The following M1AP variants were observed in gnomAD, a reference collection of about 807,000 sequenced individuals.
M1AP encodes the protein meiosis 1 arrest protein.
Under a neutral mutation model 51.2 loss-of-function variants are expected in M1AP, and 39 were observed. The observed-to-expected ratio is 0.76, with a 90% confidence interval of 0.59 to 1.00. The LOEUF is 1.00. M1AP is among the 50% of genes least tolerant of loss of function. The probability of loss-of-function intolerance (pLI) is 0.00; values close to 1 mark genes in which losing one functional copy is unlikely to be tolerated. For synonymous variants in M1AP, 251 were observed against 249.2 expected, an observed-to-expected ratio of 1.01 and a Z score of -0.07; for missense variants, 545 against 641.2, an observed-to-expected ratio of 0.85 and a Z score of 1.62.
rs1209054993 is a variant in M1AP at position 74,558,436 on chromosome 2, A to G, written c.*280T>C. 7.7e-6 allele frequency: 3 copies of G among 390,536 alleles called. No individual in the cohort carries two copies. Among genetic ancestry groups the G allele is most frequent in the Non-Finnish European group, 9.1e-6 (2 of 219,340 alleles). 24.2% of individuals were successfully genotyped at this position (390,536 alleles called of 1,614,324 possible). A position where few individuals can be genotyped will look rare whatever the true frequency, so the allele number is the denominator to read the frequency against. ...TTATGAATGCTCCTAACAATGGTAG[A>G]AGCTTACTGGGTGTTTAATCTTCAC... is the stretch of plus-strand genomic sequence containing the variant. On this transcript the variant is annotated 3_prime_UTR_variant, in exon 11 of 11. Coordinates refer to ENST00000421985, the MANE Select transcript of M1AP (RefSeq NM_001321739.2).
intron 7 of M1AP, 91 bp from the exon 8 acceptor site, chr2:74,562,514 G>A: frequency 1.4e-6 from 2 of 1,432,796 alleles, no homozygotes; most frequent in Non-Finnish European, 1.9e-6. Context: ...CTGACTTCCA[G>A]GGGTGCTGAG....
chr2:74,645,017 G>A (rs529857533), intron 1 of M1AP, among the ~76,000 whole-genome samples: 1 of 151,974 alleles, frequency 6.6e-6, no homozygotes, highest in Admixed American at 6.6e-5. Flanking sequence ...TTGTTCTTTC[G>A]CTCTTTGCAA....
chr2:74,581,956 C>T, intron 4 of M1AP, 109 bp from the exon 5 acceptor site: 1 of 965,138 alleles, frequency 1.0e-6, no homozygotes, highest in East Asian at 2.6e-5. Flanking sequence ...CTCATTATGT[C>T]ACCCAGGCTA....
At chr2:74,582,999 C>T (rs1190855193) in intron 4 of M1AP, among the ~76,000 whole-genome samples, 1 of 151,682 alleles carries the variant, frequency 6.6e-6, no homozygotes, top group African/African-American at 2.4e-5. Flanking sequence ...CCAGCCTGGG[C>T]AACTCCATCT....
intron 2 of M1AP, among the ~76,000 whole-genome samples, chr2:74,639,789 C>A (rs530920211): frequency 6.6e-6 from 1 of 152,322 alleles, no homozygotes; most frequent in African/African-American, 2.4e-5. Context: ...TTCTCTCCCT[C>A]TCTCTGGAGT....
intron 2 of M1AP, among the ~76,000 whole-genome samples, chr2:74,625,831 G>A (rs1338697470): frequency 6.6e-6 from 1 of 152,222 alleles, no homozygotes; most frequent in East Asian, 1.9e-4. Flanking sequence ...CCTCCTGCCT[G>A]TACTAATGCC....
intron 1 of M1AP, among the ~76,000 whole-genome samples, chr2:74,645,374 C>G (rs1367817430): frequency 6.6e-6 from 1 of 152,200 alleles, no homozygotes; most frequent in Non-Finnish European, 1.5e-5. Context: ...CCCACCAATT[C>G]TGGACACAGT....
Position 74,640,222 on chromosome 2 carries a change from G to A in M1AP, c.54C>T (p.Asp18=). 1 of 1,614,104 alleles carries A rather than the reference G, an allele frequency of 6.2e-7. No individual in the cohort carries two copies. Among genetic ancestry groups the A allele is most frequent in the Non-Finnish European group, 8.5e-7 (1 of 1,180,018 alleles). The part of the protein sequence containing the change: ...GKGPSTHTQI[D]QQPPRLLIVH... ...CAATGAGAAGCCGTGGAGGTTGCTG[G>A]TCAATCTGAGTGTGAGTAGAGGGCC... Residue 18 remains aspartate, a synonymous_variant, in exon 2 of 11, where the codon GAC becomes GAT. Coordinates refer to ENST00000421985, the MANE Select transcript of M1AP (RefSeq NM_001321739.2).
chr2:74,644,399 G>A (rs957674206), intron 1 of M1AP, among the ~76,000 whole-genome samples: 4 of 152,196 alleles, frequency 2.6e-5, no homozygotes, highest in South Asian at 2.1e-4. Flanking sequence ...TTAGCCGGGC[G>A]TGGTAGCACG....
At chr2:74,588,174 C>A (rs1418561311) in intron 4 of M1AP, among the ~76,000 whole-genome samples, 1 of 152,192 alleles carries the variant, frequency 6.6e-6, no homozygotes, top group African/African-American at 2.4e-5. Context: ...GAGGCCTGTA[C>A]TTGGGTGTCA....
chr2:74,610,796 A>G (rs1254508058), intron 3 of M1AP, among the ~76,000 whole-genome samples: 2 of 152,152 alleles, frequency 1.3e-5, no homozygotes, highest in East Asian at 3.8e-4. Context: ...CTCATTCAGT[A>G]TGAGTTAGCT....
Position 74,611,898 on chromosome 2 carries a change from T to TG in M1AP, c.426+3065_426+3066insC, listed in dbSNP as rs1573144375. Among the ~76,000 whole-genome samples the TG allele has an allele frequency of 4.7e-5, 4 of 84,760 alleles. No homozygotes were observed. The South Asian group carries it at 1.8e-3, about 39-fold the overall frequency. 55.6% of individuals were successfully genotyped at this position (84,760 alleles called of 152,430 possible). On this transcript the variant is annotated intron_variant, in intron 3 of 10. Coordinates refer to ENST00000421985, the MANE Select transcript of M1AP (RefSeq NM_001321739.2). ...CAAAAAAGTGTTTTTTTTTTTTTTT[T>TG]TTTTTTTTTTTTTGAGACAGTGTCT...
chr2:74,606,935 G>A, intron 4 of M1AP, 120 bp downstream of exon 4: 1 of 555,394 alleles, frequency 1.8e-6, no homozygotes, highest in Non-Finnish European at 2.9e-6. Context: ...GGGTACATGT[G>A]CACAACGTGC....
intron 5 of M1AP, 154 bp from the exon 6 acceptor site, chr2:74,576,772 G>A: frequency 4.9e-6 from 6 of 1,223,674 alleles, no homozygotes; most frequent in Non-Finnish European, 6.7e-6. Context: ...CAGGAGAGTG[G>A]AAAGAGGAAA....
intron 2 of M1AP, among the ~76,000 whole-genome samples, chr2:74,620,302 C>T (rs1379855912): frequency 6.6e-6 from 1 of 152,074 alleles, no homozygotes; most frequent in African/African-American, 2.4e-5. Flanking sequence ...GCCAAGGACT[C>T]GAAAGATGAG....
intron 4 of M1AP, among the ~76,000 whole-genome samples, chr2:74,590,611 A>T (rs1341548295): frequency 2.0e-5 from 3 of 152,114 alleles, no homozygotes; most frequent in Non-Finnish European, 4.4e-5. Context: ...GCCTTTTTAT[A>T]ATCTTTTTCT....
intron 5 of M1AP, among the ~76,000 whole-genome samples, chr2:74,580,521 A>T (rs966694369): frequency 1.3e-5 from 2 of 152,218 alleles, no homozygotes; most frequent in Non-Finnish European, 2.9e-5. Context: ...CTTGACGGCC[A>T]TCCCTAGACA....
chr2:74,637,653 A>G (rs917194753), intron 2 of M1AP, among the ~76,000 whole-genome samples: 3 of 152,184 alleles, frequency 2.0e-5, no homozygotes, highest in Non-Finnish European at 4.4e-5. Flanking sequence ...GTCTTGGGCT[A>G]TTTTATGCCC....
intron 4 of M1AP, among the ~76,000 whole-genome samples, chr2:74,600,553 T>C (rs758186300): frequency 2.0e-5 from 3 of 152,208 alleles, no homozygotes; most frequent in Non-Finnish European, 4.4e-5. Context: ...GGTTGGCTTA[T>C]ATGTAAAGAG....
Sources: allele counts gnomAD v4.1 joint callset (sites outside exome capture counted in the v4.1 genomes callset), GRCh38; gene constraint gnomAD v4.1.1; transcripts MANE v1.5; gene names NCBI Gene and HGNC (gene_info 2026-07-23, HGNC 2026-07-21).